NRXN3: variants seen among roughly 807,000 people sequenced by gnomAD.
NRXN3 encodes neurexin 3.
NRXN3 carries 32 observed loss-of-function variants against 137.6 expected under a neutral mutation model. The observed-to-expected ratio is 0.23, with a 90% CI of 0.18 to 0.31. The LOEUF is 0.31. NRXN3 is among the 10% of genes least tolerant of loss of function. NRXN3 has a pLI of 1.00. For synonymous variants in NRXN3, 798 were observed against 784.5 expected (o/e 1.02, Z -0.29); for missense variants, 1,574 against 2,062.5 (o/e 0.76, Z 4.59).
intron 15 of NRXN3, among the ~76,000 whole-genome samples, chr14:79,101,092 T>G (rs1279589322): frequency 2.0e-5 from 3 of 152,194 alleles, no homozygotes; most frequent in Non-Finnish European, 2.9e-5. Flanking sequence ...TATCTGACTT[T>G]CTAAAATTCT....
At chr14:79,224,889 TCACATCTTGATTTCAGACTGTGA>T (rs2070535285) in intron 15 of NRXN3, among the ~76,000 whole-genome samples, 3 of 152,172 alleles carry the variant, frequency 2.0e-5, no homozygotes, top group African/African-American at 7.2e-5. Context: ...ATGGCCATGC[TCACATCTTGATTTCAGACTGTGA>T]CCCCCAAAAC....
At chr14:78,984,302 A>G (rs2099497317) in intron 14 of NRXN3, among the ~76,000 whole-genome samples, 1 of 152,248 alleles carries the variant, frequency 6.6e-6, no homozygotes, top group South Asian at 2.1e-4. Context: ...TGTTGTAAGC[A>G]TATATTAAAA....
chr14:78,408,698 A>G (rs17107519), intron 4 of NRXN3, among the ~76,000 whole-genome samples: 3,735 of 152,282 alleles, frequency 0.025, 130 homozygotes, highest in African/African-American at 0.081. Context: ...GCTGCAAGAC[A>G]ACTATTTGCT....
intron 4 of NRXN3, among the ~76,000 whole-genome samples, chr14:78,489,473 G>A (rs1475554805): frequency 6.6e-5 from 10 of 152,012 alleles, no homozygotes; most frequent in Admixed American, 5.2e-4. Context: ...GTTGTATGCA[G>A]CTAGGGACGC....
At chr14:79,563,699 T>C (rs2097523804) in intron 16 of NRXN3, among the ~76,000 whole-genome samples, 2 of 151,884 alleles carry the variant, frequency 1.3e-5, no homozygotes, top group African/African-American at 2.4e-5. Context: ...ATGATAAACC[T>C]TTTTTCCTGT....
intron 10 of NRXN3, among the ~76,000 whole-genome samples, chr14:78,840,388 A>C (rs1168236482): frequency 6.6e-6 from 1 of 152,202 alleles, no homozygotes; most frequent in African/African-American, 2.4e-5. Context: ...ATGAAAAGAG[A>C]TTGGATCAAT....
At chr14:79,376,916 A>G (rs191407494) in intron 15 of NRXN3, among the ~76,000 whole-genome samples, 2 of 152,326 alleles carry the variant, frequency 1.3e-5, no homozygotes, top group East Asian at 3.9e-4. Context: ...GTGGATTAGA[A>G]CTACTCAGAC....
chr14:78,759,190 T>C (rs1294744923), intron 8 of NRXN3, among the ~76,000 whole-genome samples: 3 of 152,190 alleles, frequency 2.0e-5, no homozygotes, highest in African/African-American at 2.4e-5. Context: ...AGGCAATGCA[T>C]TAAAAAAGCT....
chr14:79,702,756 A>G lies in NRXN3; in HGVS notation c.4014+4819A>G, dbSNP rs144070723. ...CAATAATTGCACAAACACTTCCTCTACAACTGACTCCAATATTGGTGGGTA... is the reference window on the plus strand; with the variant it reads ...CAATAATTGCACAAACACTTCCTCTGCAACTGACTCCAATATTGGTGGGTA... On this transcript the variant is annotated intron_variant, in intron 19 of 20. Transcript: ENST00000335750. 2.9e-3 allele frequency among the ~76,000 whole-genome samples: 434 copies of G among 152,222 alleles called. 4 individuals carry two copies. Among genetic ancestry groups the G allele is most frequent in the African/African-American group, 1.0e-2 (414 of 41,556 alleles).
intron 10 of NRXN3, among the ~76,000 whole-genome samples, chr14:78,837,216 A>G (rs777390303): frequency 6.6e-6 from 1 of 152,192 alleles, no homozygotes; most frequent in Non-Finnish European, 1.5e-5. Context: ...TTAAATCTAA[A>G]GTCTCTCTCT....
At chr14:78,827,003 T>G (rs1567433210) in intron 10 of NRXN3, among the ~76,000 whole-genome samples, 1 of 152,194 alleles carries the variant, frequency 6.6e-6, no homozygotes, top group African/African-American at 2.4e-5. Context: ...TGATTTTGGT[T>G]ATTATCCATT....
chr14:79,793,049 G>C (rs2099150207), intron 19 of NRXN3, among the ~76,000 whole-genome samples: 1 of 152,134 alleles, frequency 6.6e-6, no homozygotes, highest in South Asian at 2.1e-4. Context: ...GGGAGTTAGA[G>C]TGGGAGCATG....
At chr14:79,835,332 C>T (rs963764952) in intron 20 of NRXN3, among the ~76,000 whole-genome samples, 1 of 151,916 alleles carries the variant, frequency 6.6e-6, no homozygotes, top group Non-Finnish European at 1.5e-5. Flanking sequence ...CAGAGAAGTC[C>T]CTCTTCAGAT....
chr14:78,919,602 A>G (rs980762778), intron 10 of NRXN3, among the ~76,000 whole-genome samples: 3 of 152,200 alleles, frequency 2.0e-5, no homozygotes, highest in African/African-American at 7.2e-5. Flanking sequence ...AAAATGCTTT[A>G]GAGTTTACTA....
At chr14:78,804,294 C>T (rs1203401154) in intron 9 of NRXN3, among the ~76,000 whole-genome samples, 2 of 152,128 alleles carry the variant, frequency 1.3e-5, no homozygotes, top group Non-Finnish European at 2.9e-5. Context: ...TTTCTAGCTC[C>T]ACAGCTACTA....
intron 1 of NRXN3, among the ~76,000 whole-genome samples, chr14:78,230,726 C>G (rs948844105): frequency 6.6e-6 from 1 of 151,990 alleles, no homozygotes; most frequent in Non-Finnish European, 1.5e-5. Context: ...ATGGCTGGGG[C>G]ACAGTGAACA....
chr14:79,529,571 T>A (rs1210092080), intron 16 of NRXN3, among the ~76,000 whole-genome samples: 2 of 152,234 alleles, frequency 1.3e-5, no homozygotes, highest in Non-Finnish European at 2.9e-5. Flanking sequence ...TAACTGAGTA[T>A]TAAAACACAT....
chr14:79,552,780 T>A (rs1032732953), intron 16 of NRXN3, among the ~76,000 whole-genome samples: 18 of 152,230 alleles, frequency 1.2e-4, no homozygotes, highest in African/African-American at 4.1e-4. Flanking sequence ...GAACTGCGCT[T>A]CAAACAAAGG....
intron 16 of NRXN3, among the ~76,000 whole-genome samples, chr14:79,544,160 G>A (rs1473874034): frequency 6.6e-6 from 1 of 152,174 alleles, no homozygotes; most frequent in African/African-American, 2.4e-5. Flanking sequence ...ACAAATTAAG[G>A]GACACAGCTG....
Sources: allele counts gnomAD v4.1 joint callset (sites outside exome capture counted in the v4.1 genomes callset), GRCh38; gene constraint gnomAD v4.1.1; transcripts MANE v1.5; gene names NCBI Gene and HGNC (gene_info 2026-07-23, HGNC 2026-07-21).